Variants in SLC22A11 observed in about 807,000 individuals in gnomAD.
SLC22A11 encodes the protein organic anion transporter 4.
SLC22A11 carries 42 observed loss-of-function variants against 49.4 expected under a neutral mutation model. The observed-to-expected ratio is 0.85, with a 90% CI of 0.66 to 1.10. SLC22A11 has a LOEUF of 1.10. Ranked by LOEUF, SLC22A11 falls within the 50% of genes least tolerant of loss-of-function variation. The pLI is 0.00. For synonymous variants in SLC22A11, 304 were observed against 315.8 expected, an observed-to-expected ratio of 0.96 and a Z score of 0.40; for missense variants, 685 against 731.6, an observed-to-expected ratio of 0.94 and a Z score of 0.74.
intron 7 of SLC22A11, 100 bp downstream of exon 7, chr11:64,567,913 G>A: frequency 3.9e-6 from 5 of 1,275,058 alleles, no homozygotes; most frequent in Non-Finnish European, 5.4e-6. Flanking sequence ...CCCAGGAGCT[G>A]CCTCCCTGTT....
Position 64,562,360 on chromosome 11 carries a change from C to T in SLC22A11, c.746C>T (p.Ala249Val), listed in dbSNP as rs985289019. 1.2e-6 allele frequency: 2 copies of T among 1,610,750 alleles called. No homozygotes were observed. Among genetic ancestry groups the T allele is most frequent in the African/African-American group, 2.7e-5 (2 of 74,878 alleles). Residue 249 changes from alanine to valine, a missense_variant, in exon 4 of 10, where the codon GCC becomes GTC. By Grantham distance (64) the Ala-to-Val change is moderately conservative. Coordinates refer to ENST00000301891, the MANE Select transcript of SLC22A11 (RefSeq NM_018484.4). The surrounding 1 kb of genome is among the most constrained non-coding windows in gnomAD (Gnocchi z 4.4). ...GGCCAGGCGGCGCTGGGCGGCCTGG[C>T]CTTTGCCCTGCGGGACTGGAGGACT... ...SAGQAALGGLAFALRDWRTLQ... is the reference protein window; with the variant it reads ...SAGQAALGGLVFALRDWRTLQ...
In SLC22A11 at chr11:64,571,397, A is replaced by C. The variant is rs1456057951; in HGVS notation, c.*355A>C. ...CAACCAGAGACTGGGTTCCAATCTC[A>C]CCCCACCACATACAGAGCCCTCATC... On this transcript the variant is annotated 3_prime_UTR_variant, in exon 10 of 10. Transcript: ENST00000301891. 1.9e-5 allele frequency: 5 copies of C among 267,360 alleles called. No individual in the cohort carries two copies. Among genetic ancestry groups the C allele is most frequent in the Non-Finnish European group, 3.6e-5 (5 of 138,028 alleles). The allele number at this position is 267,360 out of a possible 1,614,324, so 16.6% of individuals were successfully genotyped here.
rs755502356 is a variant in SLC22A11, at chr11:64,555,976, C to T, written c.-24C>T. 6.4e-6 allele frequency: 10 copies of T among 1,571,130 alleles called. No homozygotes were observed. The highest frequency in any genetic ancestry group is 1.4e-5 in the African/African-American group (1 of 74,068). ...CCAAACAGCAGTTAGGTCAGCAGTC[C>T]GCTCAGCCGAGGCAGCTCTGTTCAT... On this transcript the variant is annotated 5_prime_UTR_variant, in exon 1 of 10. Transcript: ENST00000301891.
chr11:64,566,469 G>A (rs1449487134), intron 6 of SLC22A11: 1 of 150,524 alleles, frequency 6.6e-6, no homozygotes, highest in African/African-American at 2.4e-5. Flanking sequence ...GCAAACACCC[G>A]GGACCAGTTT....
intron 2 of SLC22A11, among the ~76,000 whole-genome samples, chr11:64,561,253 C>T (rs937793255): frequency 1.3e-5 from 2 of 152,216 alleles, no homozygotes; most frequent in Non-Finnish European, 2.9e-5. Flanking sequence ...TGCAAAGTCT[C>T]GGCCTCCTTA....
intron 8 of SLC22A11, 65 bp downstream of exon 8, chr11:64,568,843 G>A (rs2038665222): frequency 4.2e-6 from 6 of 1,437,554 alleles, no homozygotes; most frequent in Non-Finnish European, 5.9e-6. Flanking sequence ...GGTGGGAAGG[G>A]AAAGAAGGGT....
chr11:64,561,909 G>T, intron 2 of SLC22A11, 95 bp from the exon 3 acceptor site: 1 of 1,411,734 alleles, frequency 7.1e-7, no homozygotes, highest in Non-Finnish European at 9.6e-7. Flanking sequence ...GAGATCCCCT[G>T]GCGTTGTTGA....
intron 6 of SLC22A11, 89 bp from the exon 7 acceptor site, chr11:64,567,510 C>G: frequency 7.7e-7 from 1 of 1,300,174 alleles, no homozygotes; most frequent in Non-Finnish European, 1.1e-6. Context: ...GCCATGTCCT[C>G]CCAGGCAGCT....
In SLC22A11 at chr11:64,556,095, T is replaced by C. The variant is rs367734171; in HGVS notation, c.96T>C (p.Pro32=). 6.2e-7 allele frequency: 1 copy of C among 1,614,078 alleles called. No homozygotes were observed. The highest frequency in any genetic ancestry group is 8.5e-7 in the Non-Finnish European group (1 of 1,180,008). ...LTFILPCLMI[P]SQMLLENFSA... is the part of the protein sequence containing the mutation. ...TCATCCTCCCCTGCCTCATGATACC[T>C]TCCCAGATGCTCCTGGAGAACTTCT... The change falls in exon 1 of 10, where the codon CCT becomes CCC. Residue 32 remains proline, a synonymous_variant. Coordinates refer to ENST00000301891, the MANE Select transcript of SLC22A11 (RefSeq NM_018484.4).
chr11:64,569,719 A>G lies in SLC22A11; in HGVS notation c.1450A>G (p.Met484Val). The G allele has an allele frequency of 6.2e-7, 1 of 1,614,138 alleles. No homozygotes were observed. Among genetic ancestry groups the G allele is most frequent in the Non-Finnish European group, 8.5e-7 (1 of 1,180,020 alleles). Residue 484 changes from methionine (M) to valine (V), a missense_variant, in exon 9 of 10, where the codon ATG (methionine) becomes GTG (valine). Physicochemically the swap from Met to Val is conservative, Grantham distance 21. Transcript: ENST00000301891. ...LGAMMGPLIL[M>V]SRQALPLLPP... Reference sequence around the variant, plus strand: ...GGCTATGATGGGTCCCCTGATCCTGATGAGCCGCCAAGCCCTGCCCCTGCT... The same window carrying G: ...GGCTATGATGGGTCCCCTGATCCTGGTGAGCCGCCAAGCCCTGCCCCTGCT...
rs138827093 is a variant in SLC22A11, at chr11:64,567,164, A to G, written c.1059-435A>G. On this transcript the variant is annotated intron_variant, in intron 6 of 9. Coordinates refer to ENST00000301891, the MANE Select transcript of SLC22A11 (RefSeq NM_018484.4). ...CTCCATCCTGAATGTGGTCTGGGCA[A>G]TGCAGCCCAGGGTCTCCCGAGAGGC... 2.8e-4 allele frequency among the ~76,000 whole-genome samples: 42 copies of G among 152,254 alleles called. No individual in the cohort carries two copies. The East Asian group carries it at 7.9e-3, about 29-fold the overall frequency.
intron 2 of SLC22A11, 41 bp downstream of exon 2, chr11:64,559,279 A>C: frequency 7.0e-7 from 1 of 1,427,522 alleles, no homozygotes; most frequent in East Asian, 2.5e-5. Context: ...CTCCCTCAAA[A>C]CATTGTTGAA....
In SLC22A11 at chr11:64,559,166, A is replaced by G. The variant is rs752827387; in HGVS notation, c.425A>G (p.Lys142Arg). ...CTGGTGTGCAGCTCCCAGGGCTTGA[A>G]GCCCCTAAGCCAGTCCATCTTCATG... ...WDLVCSSQGL[K>R]PLSQSIFMSG... Residue 142 changes from lysine to arginine, a missense_variant, in exon 2 of 10, where the codon AAG becomes AGG. Transcript: ENST00000301891. The G allele has an allele frequency of 3.1e-6, 5 of 1,613,394 alleles. No individual in the cohort carries two copies. The Admixed American group carries it at 8.3e-5, about 27-fold the overall frequency.
chr11:64,567,798 A>G lies in SLC22A11; in HGVS notation c.1258A>G (p.Met420Val), dbSNP rs2038648895. The G allele has an allele frequency of 1.2e-6, 2 of 1,600,462 alleles. No individual in the cohort carries two copies. Among genetic ancestry groups the G allele is most frequent in the Middle Eastern group, 1.9e-4 (1 of 5,300 alleles). ...GGCCGGCCTCGCCATTCTAGCCAAC[A>G]TGCTGGTGCCGCAAGGTGAGGCAGG... is the stretch of plus-strand genomic sequence containing the variant. ...AMAGLAILAN[M>V]LVPQDLQTLR... The change falls in exon 7 of 10, where the codon ATG becomes GTG. Residue 420 changes from methionine to valine, a missense_variant. Physicochemically the swap from Met to Val is conservative, Grantham distance 21. Coordinates refer to ENST00000301891, the MANE Select transcript of SLC22A11 (RefSeq NM_018484.4).
chr11:64,564,450 G>T lies in SLC22A11; in HGVS notation c.942+22G>T. ...AGAGGTGAGATGCTGCTGTCTGCGA[G>T]ACTTGACCTGGGACAGGACGTGCAC... On this transcript the variant is annotated intron_variant, in intron 5 of 9. Coordinates refer to ENST00000301891, the MANE Select transcript of SLC22A11 (RefSeq NM_018484.4). This position sits in a 1 kb window ranked among gnomAD's most constrained non-coding sequence, Gnocchi z 4.2. The T allele has an allele frequency of 6.2e-7, 1 of 1,613,140 alleles. No homozygotes were observed. The highest frequency in any genetic ancestry group is 1.7e-5 in the Admixed American group (1 of 59,966).
chr11:64,560,965 T>C (rs1344876399), intron 2 of SLC22A11, among the ~76,000 whole-genome samples: 17 of 152,192 alleles, frequency 1.1e-4, no homozygotes, highest in Admixed American at 1.1e-3. Flanking sequence ...GGGCCTCAGT[T>C]TCCCCCCAGC....
Position 64,556,332 on chromosome 11 carries a change from GC to G in SLC22A11, c.335del (p.Pro112ArgfsTer30), listed in dbSNP as rs779786069. 7.4e-6 allele frequency: 12 copies of G among 1,613,252 alleles called. No homozygotes were observed. In the African/African-American group the frequency reaches 1.5e-4, roughly 20 times the overall value. On this transcript the variant is annotated frameshift_variant, in exon 1 of 10. Transcript: ENST00000301891. LOFTEE classifies it high-confidence loss of function. Reference protein sequence around the residue: ...ATSWSEADTEPCVDGWVYDRS... With the variant: ...ATSWSEADTEXCVDGWVYDRS... ...CCAGCTGGAGCGAAGCTGACACGGA[GC>G]CGTGTGTGGACGGCTGGGTCTATGA...
In SLC22A11 at chr11:64,564,053, G is replaced by A. The variant is rs926883436; in HGVS notation, c.822-255G>A. On this transcript the variant is annotated intron_variant, in intron 4 of 9. Transcript: ENST00000301891. The surrounding 1 kb of genome is among the most constrained non-coding windows in gnomAD (Gnocchi z 4.2). ...CCCTGGCTGTGTGCAGGGCTCAGGT[G>A]GGCAGGCCCCGGGCAGCCAGGCGAG... Among the ~76,000 whole-genome samples, 2 of 152,312 alleles carry A rather than the reference G, an allele frequency of 1.3e-5. No homozygotes were observed. The highest frequency in any genetic ancestry group is 2.1e-4 in the South Asian group (1 of 4,830).
At chr11:64,560,320 T>C (rs2135420924) in intron 2 of SLC22A11, among the ~76,000 whole-genome samples, 1 of 152,158 alleles carries the variant, frequency 6.6e-6, no homozygotes, top group African/African-American at 2.4e-5. Flanking sequence ...GCCACAGCAC[T>C]GAGTGACTTT....
Sources: gnomAD v4.1 joint callset for allele counts (sites outside exome capture counted in the v4.1 genomes callset) on GRCh38, gnomAD v4.1.1 for gene constraint, Gnocchi (gnomAD v3.1) non-coding constraint, MANE v1.5 for transcripts, NCBI Gene and HGNC (gene_info 2026-07-23, HGNC 2026-07-21) for gene names.